Variants in DGKB observed in about 807,000 individuals in gnomAD.
DGKB encodes 90 kDa diacylglycerol kinase.
In DGKB, 67 loss-of-function variants were observed where a neutral mutation model predicts 114.3. That is an observed-to-expected ratio of 0.59 (90% confidence interval 0.48 to 0.72). The LOEUF (loss-of-function observed/expected upper bound fraction) is 0.72, where lower values mean the gene tolerates loss of function less well. Ranked by LOEUF, DGKB falls within the 30% of genes least tolerant of loss-of-function variation. The pLI is 0.00. For synonymous variants in DGKB, 398 were observed against 323.1 expected (o/e 1.23, Z -2.49); for missense variants, 907 against 975.2 (o/e 0.93, Z 0.93).
intron 13 of DGKB, among the ~76,000 whole-genome samples, chr7:14,669,577 T>A (rs1319442770): frequency 6.6e-6 from 1 of 152,216 alleles, no homozygotes. Context: ...TGCTTTAATT[T>A]TTCCCTTGAC....
intron 23 of DGKB, among the ~76,000 whole-genome samples, chr7:14,258,984 A>G (rs1343189731): frequency 1.3e-5 from 2 of 152,168 alleles, no homozygotes; most frequent in African/African-American, 2.4e-5. Context: ...TTTGTAATGT[A>G]GATTTCAGAT....
chr7:14,326,943 C>T (rs926800128), intron 23 of DGKB, among the ~76,000 whole-genome samples: 2 of 152,084 alleles, frequency 1.3e-5, no homozygotes, highest in African/African-American at 2.4e-5. Flanking sequence ...TATTACAACA[C>T]ATATACACAA....
At chr7:14,734,931 A>T in intron 5 of DGKB, among the ~76,000 whole-genome samples, 1 of 152,208 alleles carries the variant, frequency 6.6e-6, no homozygotes, top group Non-Finnish European at 1.5e-5. Context: ...GAGAGACGAG[A>T]AGGCACAGGG....
At chr7:14,186,911 G>C (rs1783527343) in intron 23 of DGKB, among the ~76,000 whole-genome samples, 2 of 152,088 alleles carry the variant, frequency 1.3e-5, no homozygotes, top group Admixed American at 1.3e-4. Flanking sequence ...TACAAATATA[G>C]TGAGTGTATA....
At chr7:14,297,502 C>CTCCACTTCA (rs2128482024) in intron 23 of DGKB, among the ~76,000 whole-genome samples, 1 of 152,248 alleles carries the variant, frequency 6.6e-6, no homozygotes, top group South Asian at 2.1e-4. Context: ...TAAAATTCAA[C>CTCCACTTCA]TCCACTTCAT....
At chr7:14,256,292 C>T (rs1332042987) in intron 23 of DGKB, among the ~76,000 whole-genome samples, 1 of 151,944 alleles carries the variant, frequency 6.6e-6, no homozygotes, top group Admixed American at 6.5e-5. Flanking sequence ...GGACTTCTTT[C>T]TTAGTACTTT....
intron 2 of DGKB, among the ~76,000 whole-genome samples, chr7:14,760,086 C>T (rs1461180491): frequency 6.6e-6 from 1 of 152,076 alleles, no homozygotes; most frequent in African/African-American, 2.4e-5. Flanking sequence ...AGTTCTTTGA[C>T]CATTTTTTAA....
At chr7:14,850,857 T>C (rs959361143) in intron 1 of DGKB, among the ~76,000 whole-genome samples, 2 of 152,204 alleles carry the variant, frequency 1.3e-5, no homozygotes, top group African/African-American at 4.8e-5. Context: ...TTCTTACACA[T>C]TTGAGTTAGA....
At chr7:14,660,463 G>A (rs1419026190) in intron 13 of DGKB, among the ~76,000 whole-genome samples, 8 of 151,950 alleles carry the variant, frequency 5.3e-5, no homozygotes, top group Admixed American at 3.3e-4. Flanking sequence ...TGTATGTGTC[G>A]AGGAATTTAT....
At chr7:14,955,341 C>T (rs901405492) in intron 1 of DGKB, among the ~76,000 whole-genome samples, 1 of 151,934 alleles carries the variant, frequency 6.6e-6, no homozygotes, top group African/African-American at 2.4e-5. Flanking sequence ...ATAAGAATCT[C>T]ATTCTCTTTC....
chr7:14,831,441 G>T (rs1285742948), intron 2 of DGKB, among the ~76,000 whole-genome samples: 1 of 152,040 alleles, frequency 6.6e-6, no homozygotes, highest in Non-Finnish European at 1.5e-5. Flanking sequence ...TTGGGAGACA[G>T]AGATTATAAC....
intron 21 of DGKB, among the ~76,000 whole-genome samples, chr7:14,428,870 A>C (rs898906975): frequency 1.3e-5 from 2 of 152,180 alleles, no homozygotes; most frequent in African/African-American, 4.8e-5. Context: ...TGAAAAGAGC[A>C]GAGAACATTC....
intron 21 of DGKB, among the ~76,000 whole-genome samples, chr7:14,378,163 A>G (rs542655419): frequency 3.9e-5 from 6 of 152,270 alleles, no homozygotes; most frequent in East Asian, 1.9e-4. Context: ...TGAAAGCAGG[A>G]CATATTGGAA....
intron 1 of DGKB, among the ~76,000 whole-genome samples, chr7:14,943,491 A>C (rs1248620691): frequency 6.6e-6 from 1 of 151,980 alleles, no homozygotes; most frequent in East Asian, 1.9e-4. Flanking sequence ...TCTGAGAAGA[A>C]ATTGTCCTCA....
chr7:14,653,757 A>G (rs1338188855), intron 13 of DGKB, among the ~76,000 whole-genome samples: 1 of 152,142 alleles, frequency 6.6e-6, no homozygotes, highest in Non-Finnish European at 1.5e-5. Context: ...TAATACATCA[A>G]TAGAATAAAG....
At chr7:14,698,661 C>T (rs1824536294) in intron 7 of DGKB, among the ~76,000 whole-genome samples, 1 of 151,998 alleles carries the variant, frequency 6.6e-6, no homozygotes, top group Non-Finnish European at 1.5e-5. Flanking sequence ...TGTTCAGGGC[C>T]AAGGTTTGCA....
intron 12 of DGKB, among the ~76,000 whole-genome samples, chr7:14,673,267 T>G (rs1365748674): frequency 1.3e-5 from 2 of 152,044 alleles, no homozygotes; most frequent in African/African-American, 4.8e-5. Context: ...TCAGAAATGT[T>G]TATATTAAAA....
intron 23 of DGKB, among the ~76,000 whole-genome samples, chr7:14,218,970 T>C (rs1035127797): frequency 6.6e-6 from 1 of 151,964 alleles, no homozygotes; most frequent in Non-Finnish European, 1.5e-5. Context: ...ATCTACTTTC[T>C]GCCTCTGTAG....
intron 21 of DGKB, among the ~76,000 whole-genome samples, chr7:14,442,160 T>C (rs1830166642): frequency 6.6e-6 from 1 of 152,012 alleles, no homozygotes; most frequent in South Asian, 2.1e-4. Context: ...AAAATATCAA[T>C]GAATGAAGGG....
Sources: gnomAD v4.1 joint callset for allele counts (sites outside exome capture counted in the v4.1 genomes callset) on GRCh38, gnomAD v4.1.1 for gene constraint, MANE v1.5 for transcripts, NCBI Gene and HGNC (gene_info 2026-07-23, HGNC 2026-07-21) for gene names.